Variants in SCARA5 observed in about 807,000 individuals in gnomAD.
The protein encoded by SCARA5 is scavenger receptor class A, member 5 (putative).
A neutral mutation model predicts 46.3 loss-of-function variants in SCARA5; 45 were observed. The observed-to-expected ratio is 0.97, with a 90% CI of 0.76 to 1.24. The LOEUF is 1.24. Among genes scored for constraint, SCARA5 ranks in the 50% most tolerant of loss-of-function variants. The probability of loss-of-function intolerance (pLI) is 0.00; values close to 1 mark genes in which losing one functional copy is unlikely to be tolerated. For missense variants in SCARA5, 680 were observed against 689.0 expected (o/e 0.99, Z 0.15); for synonymous variants, 333 against 306.5 (o/e 1.09, Z -0.90).
intron 8 of SCARA5, among the ~76,000 whole-genome samples, chr8:27,874,393 T>C (rs1045769550): frequency 1.3e-5 from 2 of 152,204 alleles, no homozygotes. Flanking sequence ...CAGTCTTTTC[T>C]CCTCACACAG....
intron 7 of SCARA5, among the ~76,000 whole-genome samples, chr8:27,888,868 A>C (rs1806937924): frequency 6.6e-6 from 1 of 152,206 alleles, no homozygotes; most frequent in Non-Finnish European, 1.5e-5. Context: ...GAGGGAACAC[A>C]GGGCAGGAGA....
intron 2 of SCARA5, among the ~76,000 whole-genome samples, chr8:27,979,798 C>T (rs1729583993): frequency 6.6e-6 from 1 of 152,104 alleles, no homozygotes; most frequent in Non-Finnish European, 1.5e-5. Flanking sequence ...TGAGTTCAGG[C>T]AATCCACCCG....
In SCARA5 at chr8:27,924,294, A is replaced by G. The variant is rs77585776; in HGVS notation, c.242-2049T>C. Among the ~76,000 whole-genome samples, 731 of 152,340 alleles carry G rather than the reference A, an allele frequency of 4.8e-3. 2 individuals carry two copies. Among genetic ancestry groups the G allele is most frequent in the African/African-American group, 0.017 (700 of 41,578 alleles). On this transcript the variant is annotated intron_variant, in intron 3 of 8. Coordinates refer to ENST00000354914, the MANE Select transcript of SCARA5 (RefSeq NM_173833.6). ...ACTTGGTACACAGCTTGTTCAAACAATGAGAAAAATCAGATGGAATAAGTT... is the reference window on the plus strand; with the variant it reads ...ACTTGGTACACAGCTTGTTCAAACAGTGAGAAAAATCAGATGGAATAAGTT...
At position 27,895,471 on chromosome 8, in the gene SCARA5, C is replaced by T. The variant is rs368178513; in HGVS notation, c.1153+9307G>A. Among the ~76,000 whole-genome samples the T allele has an allele frequency of 3.3e-5, 5 of 152,338 alleles. No individual in the cohort carries two copies. In the East Asian group the frequency reaches 7.7e-4, roughly 24 times the overall value. On this transcript the variant is annotated intron_variant, in intron 7 of 8. Transcript: ENST00000354914. ...GCCTGTGGGTGTGCTTTGTAAAATG[C>T]TATTTCCTAATGCCAATCTGCTCTT...
At chr8:27,959,894 A>T (rs374016476) in intron 3 of SCARA5, among the ~76,000 whole-genome samples, 1 of 152,264 alleles carries the variant, frequency 6.6e-6, no homozygotes, top group East Asian at 1.9e-4. Context: ...TCCCTCCCCT[A>T]AAGAGCTACA....
At chr8:27,905,321 A>G (rs2129751416) in intron 6 of SCARA5, among the ~76,000 whole-genome samples, 1 of 151,904 alleles carries the variant, frequency 6.6e-6, no homozygotes, top group African/African-American at 2.4e-5. Flanking sequence ...GCTAAAGAAG[A>G]CCTGTTTGGC....
At chr8:27,989,142 T>C (rs1808749805) in intron 1 of SCARA5, among the ~76,000 whole-genome samples, 1 of 135,564 alleles carries the variant, frequency 7.4e-6, no homozygotes, top group Non-Finnish European at 1.6e-5. Flanking sequence ...TTTTTTTTTT[T>C]TTTTTTTTTT....
intron 2 of SCARA5, among the ~76,000 whole-genome samples, chr8:27,978,088 G>A (rs193243051): frequency 1.8e-3 from 257 of 145,202 alleles, no homozygotes; most frequent in African/African-American, 5.8e-3. Context: ...GTGCAGTGGC[G>A]CGATCTTGGC....
At chr8:27,876,646 G>A (rs1362336265) in intron 8 of SCARA5, among the ~76,000 whole-genome samples, 1 of 152,186 alleles carries the variant, frequency 6.6e-6, no homozygotes, top group Non-Finnish European at 1.5e-5. Flanking sequence ...TGTCAGGAAG[G>A]TCACCGGACA....
At chr8:27,938,611 C>T (rs2726957) in intron 3 of SCARA5, among the ~76,000 whole-genome samples, 142,050 of 152,256 alleles carry the variant, frequency 0.93, 66,816 homozygotes, top group East Asian at 1. Flanking sequence ...AAATCCTCAT[C>T]GACAGGCAAT....
At chr8:27,881,844 C>T (rs1806817746) in intron 7 of SCARA5, among the ~76,000 whole-genome samples, 1 of 152,190 alleles carries the variant, frequency 6.6e-6, no homozygotes, top group Non-Finnish European at 1.5e-5. Context: ...GCATTTGTTA[C>T]ACTCAATGAA....
At chr8:27,881,471 T>G (rs937792911) in intron 7 of SCARA5, among the ~76,000 whole-genome samples, 9 of 148,846 alleles carry the variant, frequency 6.0e-5, no homozygotes, top group African/African-American at 2.2e-4. Context: ...ATACCTCATA[T>G]TCTCACTTTT....
At chr8:27,921,510 T>C in intron 4 of SCARA5, 61 bp downstream of exon 4, 1 of 1,415,364 alleles carries the variant, frequency 7.1e-7, no homozygotes, top group Non-Finnish European at 9.5e-7. Context: ...GGGAGGGGCG[T>C]GCAGGAGGAA....
intron 3 of SCARA5, among the ~76,000 whole-genome samples, chr8:27,953,196 G>A (rs73568968): frequency 2.0e-5 from 3 of 152,060 alleles, no homozygotes; most frequent in Non-Finnish European, 4.4e-5. Context: ...AAACAAGGAG[G>A]CTCTCAAAAG....
intron 3 of SCARA5, among the ~76,000 whole-genome samples, chr8:27,947,149 C>T (rs1430211489): frequency 6.6e-6 from 1 of 152,038 alleles, no homozygotes; most frequent in African/African-American, 2.4e-5. Flanking sequence ...GGAGCTGGGA[C>T]TATAGGTATG....
intron 3 of SCARA5, among the ~76,000 whole-genome samples, chr8:27,930,772 A>G (rs542034297): frequency 1.2e-4 from 18 of 152,270 alleles, no homozygotes; most frequent in Admixed American, 8.5e-4. Context: ...ATGGACTAAT[A>G]CATAGCTCAA....
chr8:27,880,385 T>G (rs1806791771), intron 7 of SCARA5, among the ~76,000 whole-genome samples: 2 of 116,324 alleles, frequency 1.7e-5, no homozygotes. Flanking sequence ...AAAGAGCTTC[T>G]GTACAGGAAA....
intron 2 of SCARA5, among the ~76,000 whole-genome samples, chr8:27,971,531 C>G (rs1433387912): frequency 1.3e-5 from 2 of 152,220 alleles, no homozygotes; most frequent in African/African-American, 4.8e-5. Context: ...CAAGCACACA[C>G]AAGACCAGAG....
At chr8:27,947,901 G>T (rs1808063570) in intron 3 of SCARA5, among the ~76,000 whole-genome samples, 1 of 152,000 alleles carries the variant, frequency 6.6e-6, no homozygotes, top group Non-Finnish European at 1.5e-5. Context: ...AACACTGTCT[G>T]ATTCCACTGA....
Sources: gnomAD v4.1 joint callset for allele counts (sites outside exome capture counted in the v4.1 genomes callset) on GRCh38, gnomAD v4.1.1 for gene constraint, MANE v1.5 for transcripts, NCBI Gene and HGNC (gene_info 2026-07-23, HGNC 2026-07-21) for gene names.